Variants in ZBTB16 observed in about 807,000 individuals in gnomAD.
ZBTB16 encodes zinc finger and BTB domain-containing protein 16.
ZBTB16 carries 8 observed loss-of-function variants against 56.8 expected under a neutral mutation model. The observed-to-expected ratio is 0.14, with a 90% CI of 0.08 to 0.25. ZBTB16 has a LOEUF of 0.25. Among genes scored for constraint, ZBTB16 ranks in the 10% least tolerant of loss-of-function variants. The probability of loss-of-function intolerance (pLI) is 1.00; values close to 1 mark genes in which losing one functional copy is unlikely to be tolerated. For missense variants in ZBTB16, 625 were observed against 903.0 expected (o/e 0.69, Z 3.95); for synonymous variants, 363 against 368.5 (o/e 0.98, Z 0.17).
chr11:114,163,016 A>G (rs7929883), intron 3 of ZBTB16, among the ~76,000 whole-genome samples: 11,857 of 152,316 alleles, frequency 0.078, 850 homozygotes, highest in African/African-American at 0.18. Flanking sequence ...TGCGCCTCCA[A>G]GAACACACTG....
chr11:114,230,554 C>T (rs982196159), intron 4 of ZBTB16, among the ~76,000 whole-genome samples: 4 of 147,050 alleles, frequency 2.7e-5, no homozygotes, highest in Non-Finnish European at 5.9e-5. Flanking sequence ...CCACCACACT[C>T]TCAGGCCCAC....
intron 4 of ZBTB16, among the ~76,000 whole-genome samples, chr11:114,236,207 A>G (rs1218264710): frequency 6.6e-6 from 1 of 152,192 alleles, no homozygotes; most frequent in Non-Finnish European, 1.5e-5. Flanking sequence ...AAAACAATAC[A>G]TTTTTAGGAT....
chr11:114,228,562 G>A (rs529011987), intron 4 of ZBTB16, among the ~76,000 whole-genome samples: 24 of 152,326 alleles, frequency 1.6e-4, no homozygotes, highest in African/African-American at 5.1e-4. Context: ...AAGAAGCCGT[G>A]CCTAGACCTG....
In ZBTB16 at chr11:114,142,464, G is replaced by A. The variant is rs189237402; in HGVS notation, c.1269-13873G>A. On this transcript the variant is annotated intron_variant, in intron 2 of 6. Transcript: ENST00000335953. ...AATCTACCTTCATTTCAAACAGAAC[G>A]GTGATTTATAGGGCAGCATGCCGCT... Among the ~76,000 whole-genome samples, 10 of 152,306 alleles carry A rather than the reference G, an allele frequency of 6.6e-5. No homozygotes were observed. In the East Asian group the frequency reaches 9.6e-4, roughly 15 times the overall value.
intron 3 of ZBTB16, among the ~76,000 whole-genome samples, chr11:114,166,600 A>G (rs1942765087): frequency 6.6e-6 from 1 of 152,120 alleles, no homozygotes; most frequent in Admixed American, 6.5e-5. Context: ...TTAAAAACTA[A>G]ATGAGCTCAT....
chr11:114,181,256 A>C (rs1943242109), intron 3 of ZBTB16, among the ~76,000 whole-genome samples: 1 of 152,224 alleles, frequency 6.6e-6, no homozygotes, highest in African/African-American at 2.4e-5. Flanking sequence ...GGTTCTGTAT[A>C]TCTACCCACC....
At chr11:114,078,303 CT>C (rs1480645534) in intron 2 of ZBTB16, among the ~76,000 whole-genome samples, 10 of 152,198 alleles carry the variant, frequency 6.6e-5, no homozygotes, top group Admixed American at 6.5e-4. Flanking sequence ...CCATCTTTTT[CT>C]CCCTTGGTCG....
intron 3 of ZBTB16, among the ~76,000 whole-genome samples, chr11:114,185,905 G>T (rs1943349150): frequency 6.6e-6 from 1 of 152,188 alleles, no homozygotes; most frequent in Admixed American, 6.5e-5. Context: ...TTATTAAATT[G>T]AGTTGCACTG....
intron 2 of ZBTB16, among the ~76,000 whole-genome samples, chr11:114,112,724 C>A (rs1565631644): frequency 6.6e-6 from 1 of 151,562 alleles, no homozygotes; most frequent in Non-Finnish European, 1.5e-5. Context: ...AATGTAGGCT[C>A]CATAAAGCCA....
At chr11:114,130,104 GAA>G (rs984212906) in intron 2 of ZBTB16, among the ~76,000 whole-genome samples, 12 of 152,178 alleles carry the variant, frequency 7.9e-5, no homozygotes, top group African/African-American at 2.7e-4. Flanking sequence ...TTTCACTTAC[GAA>G]AAGTTTCTGC....
In ZBTB16 at chr11:114,064,483, A is replaced by C. The variant is rs149262112; in HGVS notation, c.1183A>C (p.Met395Leu). The C allele has an allele frequency of 1.2e-6, 2 of 1,614,126 alleles. No homozygotes were observed. ...FSKLGELAVGMKSESRTIGEQ... is the reference protein window; with the variant it reads ...FSKLGELAVGLKSESRTIGEQ... ...CAAGCTGGGGGAGCTGGCTGTGGGC[A>C]TGAAGTCAGAGAGCCGGACCATCGG... is the stretch of plus-strand genomic sequence containing the variant. The change falls in exon 2 of 7, where the codon ATG (methionine) becomes CTG (leucine). Residue 395 changes from methionine (M) to leucine (L), a missense_variant. Met to Leu is a conservative substitution (Grantham distance 15, BLOSUM62 2). Transcript: ENST00000335953. This position sits in a 1 kb window ranked among gnomAD's most constrained non-coding sequence, Gnocchi z 4.2.
At chr11:114,238,720 A>G (rs415066) in intron 4 of ZBTB16, among the ~76,000 whole-genome samples, 92,513 of 151,796 alleles carry the variant, frequency 0.61, 30,756 homozygotes, top group East Asian at 0.77. Flanking sequence ...TGCCTGGCAT[A>G]TGCAGCCCTC....
At chr11:114,196,119 G>C (rs1565679938) in intron 4 of ZBTB16, among the ~76,000 whole-genome samples, 3 of 152,194 alleles carry the variant, frequency 2.0e-5, no homozygotes, top group Non-Finnish European at 4.4e-5. Flanking sequence ...TTCCCTGTTG[G>C]TGTCTAAACA....
chr11:114,064,368 C>G lies in ZBTB16; in HGVS notation c.1068C>G (p.Leu356=). 1 of 1,614,072 alleles carries G rather than the reference C, an allele frequency of 6.2e-7. No individual in the cohort carries two copies. Among genetic ancestry groups the G allele is most frequent in the Non-Finnish European group, 8.5e-7 (1 of 1,180,020 alleles). The change falls in exon 2 of 7, where the codon CTC becomes CTG. Residue 356 remains leucine (L), a synonymous_variant. Transcript: ENST00000335953. This position sits in a 1 kb window ranked among gnomAD's most constrained non-coding sequence, Gnocchi z 4.2. ...LSMPSSVTSG[L]HVQPALAVSM... ...TGCCGTCTTCCGTGACCTCTGGCCT[C>G]CACGTGCAGCCTGCCCTGGCTGTCT...
Position 114,097,728 on chromosome 11 carries a change from G to C in ZBTB16, c.1268+33160G>C, listed in dbSNP as rs536692310. Among the ~76,000 whole-genome samples the C allele has an allele frequency of 3.3e-5, 5 of 152,216 alleles. No homozygotes were observed. In the South Asian group the frequency reaches 1.0e-3, roughly 32 times the overall value. On this transcript the variant is annotated intron_variant, in intron 2 of 6. Transcript: ENST00000335953. Reference sequence around the variant, plus strand: ...GTATGATTACTTGTTGAGGTCTTGTGTTGGTATTTGTCATGTGATTCTAGA... The same window carrying C: ...GTATGATTACTTGTTGAGGTCTTGTCTTGGTATTTGTCATGTGATTCTAGA...
chr11:114,120,072 C>G lies in ZBTB16; in HGVS notation c.1269-36265C>G, dbSNP rs529138995. Among the ~76,000 whole-genome samples, 4 of 152,280 alleles carry G rather than the reference C, an allele frequency of 2.6e-5. No individual in the cohort carries two copies. In the South Asian group the frequency reaches 8.3e-4, roughly 32 times the overall value. ...GGTGGACACAGTTGGAGGGTCTTGT[C>G]TGGAGGCAGTGGAATGAGCCAGGTG... On this transcript the variant is annotated intron_variant, in intron 2 of 6. Transcript: ENST00000335953.
At chr11:114,237,149 C>T (rs1944609655) in intron 4 of ZBTB16, 1 of 152,280 alleles carries the variant, frequency 6.6e-6, no homozygotes, top group Non-Finnish European at 1.5e-5. Context: ...GCAGCCAGGT[C>T]TGTGGGGCTG....
intron 4 of ZBTB16, among the ~76,000 whole-genome samples, chr11:114,239,651 T>C (rs897452771): frequency 2.0e-5 from 3 of 152,192 alleles, no homozygotes; most frequent in African/African-American, 7.2e-5. Flanking sequence ...GAGACCTTGG[T>C]GGCTCCCAGT....
chr11:114,135,230 T>G (rs1318310988), intron 2 of ZBTB16, among the ~76,000 whole-genome samples: 1 of 152,230 alleles, frequency 6.6e-6, no homozygotes, highest in African/African-American at 2.4e-5. Flanking sequence ...CACCTCCTTA[T>G]GGCAGCTTGT....
Sources: allele counts gnomAD v4.1 joint callset (sites outside exome capture counted in the v4.1 genomes callset), GRCh38; gene constraint gnomAD v4.1.1; non-coding constraint Gnocchi (gnomAD v3.1); transcripts MANE v1.5; gene names NCBI Gene and HGNC (gene_info 2026-07-23, HGNC 2026-07-21).